Variants in ILDR1 observed in about 807,000 individuals in gnomAD.
ILDR1 encodes the protein immunoglobulin like domain containing receptor 1.
A neutral mutation model predicts 62.4 loss-of-function variants in ILDR1; 56 were observed. The observed-to-expected ratio is 0.90, with a 90% CI of 0.72 to 1.12. The LOEUF (loss-of-function observed/expected upper bound fraction) is 1.12, where lower values mean the gene tolerates loss of function less well. Ranked by LOEUF, ILDR1 falls within the 50% of genes most tolerant of loss-of-function variation. The probability of loss-of-function intolerance (pLI) is 0.00; values close to 1 mark genes in which losing one functional copy is unlikely to be tolerated. For missense variants in ILDR1, 736 were observed against 710.6 expected, an observed-to-expected ratio of 1.04 and a Z score of -0.41; for synonymous variants, 284 against 277.8, an observed-to-expected ratio of 1.02 and a Z score of -0.22.
Position 121,994,322 on chromosome 3 carries a change from A to AC in ILDR1, c.647-10_647-9insG. 6.5e-7 allele frequency: 1 copy of AC among 1,529,804 alleles called. No individual in the cohort carries two copies. Among genetic ancestry groups the AC allele is most frequent in the African/African-American group, 1.4e-5 (1 of 72,976 alleles). 94.8% of individuals were successfully genotyped at this position (1,529,804 alleles called of 1,614,324 possible). On this transcript the variant is annotated splice_polypyrimidine_tract_variant and intron_variant, in intron 5 of 7. Coordinates refer to ENST00000344209, the MANE Select transcript of ILDR1 (RefSeq NM_001199799.2). ...GCGGTGGCGGGCCAGGGCTGCAGGG[A>AC]AAGAAGGAGAAATGCAGGCCCTCAG...
the ILDR1 span, among the ~76,000 whole-genome samples, chr3:122,044,698 T>G: frequency 2.0e-5 from 3 of 151,034 alleles, no homozygotes; most frequent in African/African-American, 7.3e-5. Flanking sequence ...TTCTAGTTTA[T>G]TTGCGTAGAG....
At chr3:122,006,693 G>C (rs1193911538) in intron 2 of ILDR1, among the ~76,000 whole-genome samples, 1 of 152,170 alleles carries the variant, frequency 6.6e-6, no homozygotes, top group Non-Finnish European at 1.5e-5. Flanking sequence ...CATTGGCATG[G>C]AACCAGGAAT....
the ILDR1 span, chr3:122,055,597 C>A: frequency 2.6e-6 from 3 of 1,143,334 alleles, no homozygotes; most frequent in Non-Finnish European, 4.0e-6. Flanking sequence ...GTGTGTCCTT[C>A]ACTTAGTTCC....
chr3:122,012,880 T>C (rs2071724543), intron 1 of ILDR1, among the ~76,000 whole-genome samples: 1 of 152,208 alleles, frequency 6.6e-6, no homozygotes, highest in South Asian at 2.1e-4. Flanking sequence ...CTCAAAAGCT[T>C]CAAAAGTTTC....
the ILDR1 span, among the ~76,000 whole-genome samples, chr3:122,028,192 T>A: frequency 2.0e-5 from 3 of 150,810 alleles, no homozygotes. Context: ...AAAAATTAGC[T>A]GGGCGTGGTG....
At chr3:122,046,233 G>A in the ILDR1 span, among the ~76,000 whole-genome samples, 1 of 149,862 alleles carries the variant, frequency 6.7e-6, no homozygotes, top group South Asian at 2.1e-4. Flanking sequence ...CTTTAAGAAT[G>A]TTGAATATCG....
At position 122,001,757 on chromosome 3, in the gene ILDR1, G is replaced by C. The variant is rs764872186; in HGVS notation, c.487C>G (p.Leu163Val). 1.9e-6 allele frequency: 3 copies of C among 1,613,098 alleles called. No homozygotes were observed. The highest frequency in any genetic ancestry group is 8.5e-7 in the Non-Finnish European group (1 of 1,179,928). ...CAGTAGCACTTACGTAGGACGATGA[G>C]CTTTACTTCCTTATCGGGGTCTCCT... The part of the protein sequence containing the change: ...TSGDPDKEVK[L>V]IVLHWLTVIF... The change falls in exon 4 of 8, where the codon CTC (leucine) becomes GTC (valine). Residue 163 changes from leucine to valine, a missense_variant. Physicochemically the swap from Leu to Val is conservative, Grantham distance 32. Coordinates refer to ENST00000344209, the MANE Select transcript of ILDR1 (RefSeq NM_001199799.2).
chr3:122,038,370 C>G, the ILDR1 span, among the ~76,000 whole-genome samples: 6 of 152,296 alleles, frequency 3.9e-5, no homozygotes, highest in Admixed American at 3.3e-4. Flanking sequence ...ATAGCCCATA[C>G]CCTAGCACAG....
the ILDR1 span, chr3:122,055,536 T>G: frequency 6.2e-7 from 1 of 1,610,274 alleles, no homozygotes; most frequent in Non-Finnish European, 8.5e-7. Flanking sequence ...TGCAGAGAAG[T>G]TATGAGTTGT....
Position 122,005,412 on chromosome 3 carries a change from C to T in ILDR1, c.230-19G>A, listed in dbSNP as rs752063806. The T allele has an allele frequency of 6.2e-7, 1 of 1,614,164 alleles. No homozygotes were observed. Among genetic ancestry groups the T allele is most frequent in the Admixed American group, 1.7e-5 (1 of 60,024 alleles). The stretch of plus-strand genomic sequence containing the variant: ...TGGTATGCTGAGGAGAGAGGGCACA[C>T]TAGAGTCACACAGCAATAGGGGGTT... On this transcript the variant is annotated intron_variant, in intron 2 of 7. Coordinates refer to ENST00000344209, the MANE Select transcript of ILDR1 (RefSeq NM_001199799.2).
chr3:122,007,903 A>AT (rs1243288226), intron 1 of ILDR1, among the ~76,000 whole-genome samples: 3 of 151,828 alleles, frequency 2.0e-5, no homozygotes, highest in Non-Finnish European at 4.4e-5. Flanking sequence ...GGGCCTCCCT[A>AT]TTTTTTTCCT....
At chr3:122,037,583 CT>C in the ILDR1 span, among the ~76,000 whole-genome samples, 1,001 of 152,278 alleles carry the variant, frequency 6.6e-3, 14 homozygotes, top group South Asian at 0.023. Flanking sequence ...CACTAACTTA[CT>C]TTTGATTTTA....
the ILDR1 span, among the ~76,000 whole-genome samples, chr3:122,053,028 G>GT: frequency 3.9e-5 from 6 of 151,984 alleles, no homozygotes; most frequent in South Asian, 2.1e-4. Flanking sequence ...CAGTGCAGTT[G>GT]TTTTTTTTGC....
At chr3:122,041,086 T>C in the ILDR1 span, among the ~76,000 whole-genome samples, 1 of 152,158 alleles carries the variant, frequency 6.6e-6, no homozygotes, top group African/African-American at 2.4e-5. Flanking sequence ...GAACCACTGA[T>C]TTAAAATGGG....
Position 121,991,680 on chromosome 3 carries a change from A to C in ILDR1, c.1599+1470T>G, listed in dbSNP as rs144214568. Among the ~76,000 whole-genome samples the C allele has an allele frequency of 8.5e-3, 1,292 of 152,330 alleles. 17 individuals carry two copies. Among genetic ancestry groups the C allele is most frequent in the African/African-American group, 0.03 (1,231 of 41,570 alleles). On this transcript the variant is annotated intron_variant, in intron 7 of 7. Transcript: ENST00000344209. ...AGGGACATCTGTGAGAAGATGACAT[A>C]ATTGCCATTAATTATTACAGAAATG... is the stretch of plus-strand genomic sequence containing the variant.
At chr3:122,016,581 G>A (rs867033711) in intron 1 of ILDR1, among the ~76,000 whole-genome samples, 4 of 152,330 alleles carry the variant, frequency 2.6e-5, no homozygotes, top group South Asian at 2.1e-4. Flanking sequence ...TGAGGAGAAA[G>A]GTTATACAAT....
chr3:122,042,029 T>A, the ILDR1 span, among the ~76,000 whole-genome samples: 1 of 129,422 alleles, frequency 7.7e-6, no homozygotes, highest in African/African-American at 2.9e-5. Flanking sequence ...ACTCGTCATC[T>A]AGCATTAGGT....
intron 1 of ILDR1, among the ~76,000 whole-genome samples, chr3:122,008,800 C>T (rs1161393934): frequency 1.3e-5 from 2 of 151,876 alleles, no homozygotes; most frequent in Non-Finnish European, 2.9e-5. Flanking sequence ...ACCATGTTGG[C>T]CAGGCTAGGC....
the ILDR1 span, among the ~76,000 whole-genome samples, chr3:122,045,013 G>C: frequency 2.6e-5 from 4 of 151,064 alleles, no homozygotes; most frequent in African/African-American, 9.7e-5. Flanking sequence ...TGATGTTAGG[G>C]TGTCAATTTT....
Sources: gnomAD v4.1 joint callset for allele counts (sites outside exome capture counted in the v4.1 genomes callset) on GRCh38, gnomAD v4.1.1 for gene constraint, MANE v1.5 for transcripts, NCBI Gene and HGNC (gene_info 2026-07-23, HGNC 2026-07-21) for gene names.